The following THSD4 variants were observed in gnomAD, a reference collection of about 807,000 sequenced individuals.
THSD4 encodes the protein thrombospondin type 1 domain containing 4.
In THSD4, 69 loss-of-function variants were observed where a neutral mutation model predicts 119.0. The observed-to-expected ratio is 0.58, with a 90% CI of 0.48 to 0.71. The LOEUF is 0.71. Ranked by LOEUF, THSD4 falls within the 30% of genes least tolerant of loss-of-function variation. The probability of loss-of-function intolerance (pLI) is 0.00; values close to 1 mark genes in which losing one functional copy is unlikely to be tolerated. For synonymous variants in THSD4, 524 were observed against 540.4 expected (o/e 0.97, Z 0.42); for missense variants, 1,393 against 1,391.1 (o/e 1.00, Z -0.02).
intron 6 of THSD4, among the ~76,000 whole-genome samples, chr15:71,305,431 G>C (rs944771666): frequency 6.6e-6 from 1 of 152,198 alleles, no homozygotes; most frequent in African/African-American, 2.4e-5. Context: ...GGAAAGCAGA[G>C]GGGGCCCATT....
intron 7 of THSD4, among the ~76,000 whole-genome samples, chr15:71,636,315 C>G (rs371037386): frequency 3.6e-4 from 55 of 152,034 alleles, no homozygotes; most frequent in African/African-American, 1.3e-3. Flanking sequence ...CCCAGCAACT[C>G]GGGAGGCTGA....
intron 7 of THSD4, among the ~76,000 whole-genome samples, chr15:71,628,482 T>C (rs2050550895): frequency 6.6e-6 from 1 of 152,190 alleles, no homozygotes; most frequent in Non-Finnish European, 1.5e-5. Flanking sequence ...TGAAGCAAGG[T>C]GCACCAGGTC....
chr15:71,668,678 C>A (rs1288123804), intron 8 of THSD4, among the ~76,000 whole-genome samples: 13 of 152,206 alleles, frequency 8.5e-5, no homozygotes, highest in Admixed American at 8.5e-4. Flanking sequence ...GGGCAGCTTG[C>A]TGACTGGTAC....
At chr15:71,344,836 G>A (rs982623998) in intron 6 of THSD4, among the ~76,000 whole-genome samples, 15 of 152,192 alleles carry the variant, frequency 9.9e-5, no homozygotes, top group Admixed American at 5.2e-4. Flanking sequence ...CTTTGGGGCC[G>A]TGGGAAGGAT....
intron 6 of THSD4, among the ~76,000 whole-genome samples, chr15:71,406,643 G>GGTGTGTGTGTGT (rs56347233): frequency 5.5e-5 from 7 of 126,194 alleles, no homozygotes; most frequent in Admixed American, 7.9e-5. Flanking sequence ...AGGTTTGTTT[G>GGTGTGTGTGTGT]GTGTGTGTGT....
chr15:71,235,266 G>A (rs767439402), intron 4 of THSD4, among the ~76,000 whole-genome samples: 10 of 152,140 alleles, frequency 6.6e-5, no homozygotes, highest in East Asian at 3.9e-4. Context: ...CTTAGTCTCC[G>A]GGAAATTTGC....
chr15:71,153,338 C>T (rs1023310228), intron 2 of THSD4, among the ~76,000 whole-genome samples: 2 of 152,282 alleles, frequency 1.3e-5, no homozygotes, highest in African/African-American at 2.4e-5. Flanking sequence ...TGAGGGATGG[C>T]GCGCACCCGC....
At chr15:71,746,662 T>C (rs1221707272) in intron 12 of THSD4, among the ~76,000 whole-genome samples, 176 bp from the exon 13 acceptor site, 1 of 152,266 alleles carries the variant, frequency 6.6e-6, no homozygotes, top group Non-Finnish European at 1.5e-5. Flanking sequence ...CCCAAAGTGC[T>C]GGGATTACAG....
At chr15:71,310,032 A>G (rs2045089098) in intron 6 of THSD4, among the ~76,000 whole-genome samples, 1 of 152,166 alleles carries the variant, frequency 6.6e-6, no homozygotes, top group Middle Eastern at 3.2e-3. Flanking sequence ...AAGGTTGGGG[A>G]AGGATGTCAG....
intron 6 of THSD4, among the ~76,000 whole-genome samples, chr15:71,333,440 T>C (rs1342911871): frequency 2.0e-5 from 3 of 152,176 alleles, no homozygotes; most frequent in Non-Finnish European, 4.4e-5. Context: ...ATTTCTGATA[T>C]GTGGGCCTCT....
intron 4 of THSD4, among the ~76,000 whole-genome samples, chr15:71,242,366 A>G (rs1220273544): frequency 2.6e-5 from 4 of 152,168 alleles, no homozygotes; most frequent in African/African-American, 9.7e-5. Flanking sequence ...CACGCTGACC[A>G]TAGTTTACTG....
rs571598825 is a variant in THSD4, at chr15:71,387,420, T to A, written c.1016-24267T>A. ...GTGCCTTGAGATTTAAAGGGTATCA[T>A]TTTTTTATAATTTGTTTTCCTTCCC... On this transcript the variant is annotated intron_variant, in intron 6 of 17. Transcript: ENST00000261862. Among the ~76,000 whole-genome samples the A allele has an allele frequency of 1.6e-4, 24 of 152,278 alleles. No individual in the cohort carries two copies. The East Asian group carries it at 4.6e-3, about 29-fold the overall frequency.
chr15:71,767,787 A>G (rs2053739382), intron 16 of THSD4: 2 of 152,224 alleles, frequency 1.3e-5, no homozygotes, highest in South Asian at 4.1e-4. Flanking sequence ...GATCTGGGGC[A>G]GCATATATGT....
chr15:71,193,702 A>G (rs1000294783), intron 3 of THSD4, among the ~76,000 whole-genome samples: 3 of 100,892 alleles, frequency 3.0e-5, no homozygotes, highest in African/African-American at 9.7e-5. Context: ...ATGAGATCTG[A>G]TGGTTTTTCT....
At chr15:71,099,678 G>T (rs1451197386) in intron 1 of THSD4, among the ~76,000 whole-genome samples, 1 of 151,838 alleles carries the variant, frequency 6.6e-6, no homozygotes, top group Non-Finnish European at 1.5e-5. Context: ...ATTTAAAGTG[G>T]ATTTTGCTGG....
intron 7 of THSD4, among the ~76,000 whole-genome samples, chr15:71,446,334 A>G (rs2047180677): frequency 1.3e-5 from 2 of 152,214 alleles, no homozygotes; most frequent in Non-Finnish European, 1.5e-5. Flanking sequence ...CTTATACAGA[A>G]TTGCCAGTGT....
At chr15:71,131,636 A>AT (rs1265175760) in intron 1 of THSD4, among the ~76,000 whole-genome samples, 2 of 151,992 alleles carry the variant, frequency 1.3e-5, no homozygotes, top group African/African-American at 4.8e-5. Context: ...GACTTTTACC[A>AT]TTTTTTTTCC....
At chr15:71,397,520 G>A (rs1385770886) in intron 6 of THSD4, among the ~76,000 whole-genome samples, 3 of 152,172 alleles carry the variant, frequency 2.0e-5, no homozygotes, top group South Asian at 2.1e-4. Flanking sequence ...CTAGATCCTT[G>A]CACAGTGCCT....
At chr15:71,195,595 C>T in intron 3 of THSD4, among the ~76,000 whole-genome samples, 1 of 152,166 alleles carries the variant, frequency 6.6e-6, no homozygotes, top group East Asian at 1.9e-4. Context: ...TGAGTCCATA[C>T]TAGAGAGACC....
Sources: allele counts gnomAD v4.1 joint callset (sites outside exome capture counted in the v4.1 genomes callset), GRCh38; gene constraint gnomAD v4.1.1; transcripts MANE v1.5; gene names NCBI Gene and HGNC (gene_info 2026-07-23, HGNC 2026-07-21).